Variants in PLA2G10 observed in about 807,000 individuals in gnomAD.
PLA2G10 encodes phospholipase A2 group X, also known as group 10 secretory phospholipase A2.
In PLA2G10, 9 loss-of-function variants were observed where a neutral mutation model predicts 7.9. That is an observed-to-expected ratio of 1.14 (90% confidence interval 0.68 to 1.98). The LOEUF (loss-of-function observed/expected upper bound fraction) is 1.98, where lower values mean the gene tolerates loss of function less well. Among genes scored for constraint, PLA2G10 ranks in the 30% most tolerant of loss-of-function variants. PLA2G10 has a pLI of 0.00. For synonymous variants in PLA2G10, 19 were observed against 27.5 expected (o/e 0.69, Z 0.97); for missense variants, 53 against 65.4 (o/e 0.81, Z 0.66).
intron 3 of PLA2G10, among the ~76,000 whole-genome samples, chr16:14,679,395 C>T (rs111853488): frequency 1.9e-4 from 29 of 152,140 alleles, no homozygotes; most frequent in African/African-American, 5.3e-4. Flanking sequence ...GGGCGTGGTG[C>T]TCGTGCCTGT....
chr16:14,682,747 G>A (rs1960927170), intron 3 of PLA2G10, among the ~76,000 whole-genome samples: 2 of 152,020 alleles, frequency 1.3e-5, no homozygotes, highest in Non-Finnish European at 2.9e-5. Flanking sequence ...AAAGATAGGA[G>A]GAGGAGATAG....
At position 14,672,714 on chromosome 16, in the gene PLA2G10, T is replaced by G. The variant is rs1960621660; in HGVS notation, c.391A>C (p.Lys131Gln). The part of the protein sequence containing the change: ...AENKCQELLC[K>Q]CDQEIANCLA... ...CAGTTAGCAATCTCCTGGTCACACT[T>G]GCACAACAGTTCTTGGCATTTGTTC... is the stretch of plus-strand genomic sequence containing the variant. The change falls in exon 4 of 4, where the codon AAG becomes CAG. Residue 131 changes from lysine to glutamine, a missense_variant. Lys to Gln is a moderately conservative substitution (Grantham distance 53). Coordinates refer to ENST00000438167, the MANE Select transcript of PLA2G10 (RefSeq NM_003561.3). 1 of 1,614,084 alleles carries G rather than the reference T, an allele frequency of 6.2e-7. No homozygotes were observed. The highest frequency in any genetic ancestry group is 8.5e-7 in the Non-Finnish European group (1 of 1,179,972).
At chr16:14,686,712 C>G (rs1961077683) in intron 3 of PLA2G10, among the ~76,000 whole-genome samples, 2 of 152,066 alleles carry the variant, frequency 1.3e-5, no homozygotes, top group African/African-American at 4.8e-5. Flanking sequence ...TGAGGCTGCT[C>G]TCAAACTCCT....
intron 3 of PLA2G10, among the ~76,000 whole-genome samples, chr16:14,677,113 ATAAT>A (rs1329873484): frequency 6.6e-6 from 1 of 152,224 alleles, no homozygotes; most frequent in Non-Finnish European, 1.5e-5. Context: ...ACTGAAATAA[ATAAT>A]AAGTAAAAAT....
At chr16:14,679,877 T>C (rs1567503668) in intron 3 of PLA2G10, among the ~76,000 whole-genome samples, 1 of 151,770 alleles carries the variant, frequency 6.6e-6, no homozygotes. Context: ...TCTTTAAGCA[T>C]TCGCTCCCCG....
chr16:14,679,660 CA>C (rs770745365), intron 3 of PLA2G10, among the ~76,000 whole-genome samples: 6,768 of 130,422 alleles, frequency 0.052, 229 homozygotes, highest in African/African-American at 0.1. Flanking sequence ...GACTCCACCT[CA>C]AAAAAAAAAA....
At chr16:14,683,456 G>A (rs188750669) in intron 3 of PLA2G10, among the ~76,000 whole-genome samples, 16 of 151,676 alleles carry the variant, frequency 1.1e-4, no homozygotes, top group Admixed American at 2.6e-4. Flanking sequence ...GGCTGGTCTC[G>A]AACTCCTGAG....
intron 3 of PLA2G10, among the ~76,000 whole-genome samples, chr16:14,677,150 T>A (rs1395268290): frequency 6.6e-6 from 1 of 152,326 alleles, no homozygotes; most frequent in East Asian, 1.9e-4. Context: ...ATTTCTGGAA[T>A]GTTTTAATTT....
intron 3 of PLA2G10, among the ~76,000 whole-genome samples, chr16:14,674,023 T>A (rs1366902106): frequency 6.6e-6 from 1 of 151,906 alleles, no homozygotes; most frequent in Admixed American, 6.6e-5. Context: ...ATTTGACCAA[T>A]GAATTCAATA....
chr16:14,673,230 C>A (rs1003207364), intron 3 of PLA2G10, among the ~76,000 whole-genome samples: 2 of 151,706 alleles, frequency 1.3e-5, no homozygotes, highest in African/African-American at 2.4e-5. Context: ...GTCGTGTTGG[C>A]CAGGATGGTC....
intron 3 of PLA2G10, among the ~76,000 whole-genome samples, chr16:14,679,554 G>A (rs895279142): frequency 4.0e-5 from 6 of 151,768 alleles, no homozygotes; most frequent in African/African-American, 1.5e-4. Flanking sequence ...CAGCTACTAG[G>A]GAGGCTGAGG....
chr16:14,678,374 C>A (rs565590701), intron 3 of PLA2G10, among the ~76,000 whole-genome samples: 23 of 152,326 alleles, frequency 1.5e-4, no homozygotes, highest in Non-Finnish European at 3.2e-4. Context: ...CCCAAGCCAC[C>A]TCTCTCCAAG....
chr16:14,676,397 G>A (rs909290509), intron 3 of PLA2G10, among the ~76,000 whole-genome samples: 2 of 152,180 alleles, frequency 1.3e-5, no homozygotes, highest in African/African-American at 4.8e-5. Flanking sequence ...AGAAAATGTG[G>A]TGGCTGGGTG....
chr16:14,682,552 G>A (rs1003049537), intron 3 of PLA2G10, among the ~76,000 whole-genome samples: 4 of 152,090 alleles, frequency 2.6e-5, no homozygotes, highest in African/African-American at 9.7e-5. Flanking sequence ...CTCCTGCCTG[G>A]GCTACAGAGT....
rs1555517603 is a variant in PLA2G10 at position 14,679,673 on chromosome 16, A to AAT, written c.356-6925_356-6924insAT. ...AAGACTCCACCTCAAAAAAAAAAAAAAATAATAATAATAATAATAATACAA... is the reference window on the plus strand; with the variant it reads ...AAGACTCCACCTCAAAAAAAAAAAAAATAATAATAATAATAATAATAATACAA... On this transcript the variant is annotated intron_variant, in intron 3 of 3. Coordinates refer to ENST00000438167, the MANE Select transcript of PLA2G10 (RefSeq NM_003561.3). 5.0e-4 allele frequency among the ~76,000 whole-genome samples: 71 copies of AAT among 141,808 alleles called. 1 individual carries two copies. The highest frequency in any genetic ancestry group is 6.6e-3 in the Middle Eastern group (2 of 302). 93.0% of individuals were successfully genotyped at this position (141,808 alleles called of 152,430 possible). A position where few individuals can be genotyped will look rare whatever the true frequency, so the allele number is the denominator to read the frequency against.
At position 14,685,080 on chromosome 16, in the gene PLA2G10, A is replaced by T. The variant is rs558012923; in HGVS notation, c.355+3085T>A. On this transcript the variant is annotated intron_variant, in intron 3 of 3. Coordinates refer to ENST00000438167, the MANE Select transcript of PLA2G10 (RefSeq NM_003561.3). ...ACGTACTGACACATGCTATTAATAC[A>T]ACATGAACAGGATGGGTGTGGTGGC... 1.0e-3 allele frequency among the ~76,000 whole-genome samples: 158 copies of T among 152,218 alleles called. 1 individual carries two copies. The highest frequency in any genetic ancestry group is 3.5e-3 in the African/African-American group (144 of 41,562).
chr16:14,673,678 AT>A (rs891648834), intron 3 of PLA2G10, among the ~76,000 whole-genome samples: 2 of 152,000 alleles, frequency 1.3e-5, no homozygotes, highest in African/African-American at 2.4e-5. Flanking sequence ...CCATAATAAT[AT>A]TTTTTTTAAA....
intron 3 of PLA2G10, among the ~76,000 whole-genome samples, chr16:14,685,692 TTTG>T (rs1055295933): frequency 3.9e-5 from 6 of 152,080 alleles, no homozygotes; most frequent in East Asian, 1.9e-4. Context: ...CTATTTTCTT[TTTG>T]TTGTTGTTGT....
rs1165854952 is a variant in PLA2G10 at position 14,673,223 on chromosome 16, G to A, written c.356-474C>T. ...TTTTTAGTGGAGACAGGGTTTCGTC[G>A]TGTTGGCCAGGATGGTCTCGAACTC... On this transcript the variant is annotated intron_variant, in intron 3 of 3. Coordinates refer to ENST00000438167, the MANE Select transcript of PLA2G10 (RefSeq NM_003561.3). Among the ~76,000 whole-genome samples the A allele has an allele frequency of 5.3e-5, 8 of 151,576 alleles. No homozygotes were observed. In the East Asian group the frequency reaches 5.9e-4, roughly 11 times the overall value.
Sources: allele counts gnomAD v4.1 joint callset (sites outside exome capture counted in the v4.1 genomes callset), GRCh38; gene constraint gnomAD v4.1.1; transcripts MANE v1.5; gene names NCBI Gene and HGNC (gene_info 2026-07-23, HGNC 2026-07-21).